The following CAPRIN1 variants were observed in gnomAD, a reference collection of about 807,000 sequenced individuals.
The protein encoded by CAPRIN1 is cell cycle associated protein 1.
In CAPRIN1, 29 loss-of-function variants were observed where a neutral mutation model predicts 100.9. The ratio of observed to expected loss-of-function variants is 0.29; its 90% CI spans 0.21 to 0.39. The LOEUF is 0.39. CAPRIN1 is among the 10% of genes least tolerant of loss of function. The pLI, the probability that CAPRIN1 is intolerant of heterozygous loss-of-function variation, is 1.00. For missense variants in CAPRIN1, 795 were observed against 876.7 expected (o/e 0.91, Z 1.18); for synonymous variants, 338 against 307.5 (o/e 1.10, Z -1.04).
intron 7 of CAPRIN1, among the ~76,000 whole-genome samples, chr11:34,082,489 G>A (rs1334066568): frequency 6.6e-6 from 1 of 152,114 alleles, no homozygotes; most frequent in Non-Finnish European, 1.5e-5. Flanking sequence ...GTGCCTGGCC[G>A]ACTTTATTTT....
chr11:34,054,595 T>A (rs1217605012), intron 2 of CAPRIN1, among the ~76,000 whole-genome samples: 2 of 151,924 alleles, frequency 1.3e-5, no homozygotes, highest in Non-Finnish European at 2.9e-5. Context: ...GCCCAGCTAA[T>A]TTTTTGTATT....
At chr11:34,072,603 G>A (rs147391003) in intron 4 of CAPRIN1, among the ~76,000 whole-genome samples, 3 of 152,238 alleles carry the variant, frequency 2.0e-5, no homozygotes, top group African/African-American at 7.2e-5. Context: ...GCAAACTGAT[G>A]TGCTCCTATA....
intron 2 of CAPRIN1, among the ~76,000 whole-genome samples, chr11:34,057,696 A>C (rs1471988547): frequency 1.3e-5 from 2 of 152,112 alleles, no homozygotes; most frequent in Non-Finnish European, 2.9e-5. Context: ...ACACTGTTAT[A>C]AAATTTAGAG....
At position 34,101,414 on chromosome 11, in the gene CAPRIN1, T is replaced by C. The variant is rs927421930; in HGVS notation, c.*2047T>C. Reference sequence around the variant, plus strand: ...GTGTAGAAAATAATTTCATGACATTTACAATCAGGACTGAAGTAAGTTCTT... The same window carrying C: ...GTGTAGAAAATAATTTCATGACATTCACAATCAGGACTGAAGTAAGTTCTT... On this transcript the variant is annotated 3_prime_UTR_variant, in exon 19 of 19. Coordinates refer to ENST00000341394, the MANE Select transcript of CAPRIN1 (RefSeq NM_005898.5). 6.6e-6 allele frequency among the ~76,000 whole-genome samples: 1 copy of C among 152,194 alleles called. No homozygotes were observed. Among genetic ancestry groups the C allele is most frequent in the African/African-American group, 2.4e-5 (1 of 41,452 alleles).
chr11:34,054,294 T>C (rs1454073449), intron 2 of CAPRIN1, among the ~76,000 whole-genome samples: 3 of 152,198 alleles, frequency 2.0e-5, no homozygotes, highest in African/African-American at 7.2e-5. Context: ...GTAAATGTAG[T>C]TACATCAAGA....
chr11:34,055,012 G>C (rs898602037), intron 2 of CAPRIN1, among the ~76,000 whole-genome samples: 1 of 151,950 alleles, frequency 6.6e-6, no homozygotes, highest in African/African-American at 2.4e-5. Flanking sequence ...TTAGAATCTA[G>C]TGTTCAAGTA....
intron 13 of CAPRIN1, 102 bp from the exon 14 acceptor site, chr11:34,090,427 A>G (rs1267115756): frequency 2.2e-6 from 3 of 1,382,546 alleles, no homozygotes; most frequent in East Asian, 2.3e-5. Context: ...TTGTTAATAC[A>G]TATAAGTTTG....
chr11:34,094,229 C>G (rs986030455), intron 15 of CAPRIN1, among the ~76,000 whole-genome samples: 2 of 151,878 alleles, frequency 1.3e-5, no homozygotes, highest in Non-Finnish European at 1.5e-5. Flanking sequence ...ACCTCCGCCT[C>G]TTAGGTTCAA....
chr11:34,092,414 T>C (rs1162676866), intron 15 of CAPRIN1, among the ~76,000 whole-genome samples: 1 of 151,798 alleles, frequency 6.6e-6, no homozygotes, highest in Non-Finnish European at 1.5e-5. Context: ...TGGAGCGCAG[T>C]GCCGTGATCT....
intron 9 of CAPRIN1, among the ~76,000 whole-genome samples, chr11:34,083,620 C>T (rs939817702): frequency 6.6e-6 from 1 of 152,206 alleles, no homozygotes; most frequent in Non-Finnish European, 1.5e-5. Flanking sequence ...TGCCTTGTTA[C>T]CTGTAAGATA....
Position 34,091,122 on chromosome 11 carries a change from C to A in CAPRIN1, c.1554+444C>A, listed in dbSNP as rs545041620. On this transcript the variant is annotated intron_variant, in intron 14 of 18. Coordinates refer to ENST00000341394, the MANE Select transcript of CAPRIN1 (RefSeq NM_005898.5). ...GAATTTCTAGAAAATAATAATAATA[C>A]TATAATCTGTGGGGTGCAGCTAAAT... 5.9e-5 allele frequency among the ~76,000 whole-genome samples: 9 copies of A among 152,188 alleles called. No individual in the cohort carries two copies. The South Asian group carries it at 1.7e-3, about 28-fold the overall frequency.
chr11:34,087,360 G>A (rs1851168982), intron 11 of CAPRIN1, among the ~76,000 whole-genome samples: 1 of 96,210 alleles, frequency 1.0e-5, no homozygotes, highest in Admixed American at 1.2e-4. Context: ...TTGAGACGGA[G>A]TCTCGCTCTG....
At chr11:34,094,549 G>A (rs1312049456) in intron 15 of CAPRIN1, among the ~76,000 whole-genome samples, 2 of 152,064 alleles carry the variant, frequency 1.3e-5, no homozygotes, top group African/African-American at 2.4e-5. Context: ...GGTGGCTCAC[G>A]CCTGTAATCC....
At chr11:34,096,809 TTTTGGTACAATTTGTGTA>T (rs1180773843) in intron 16 of CAPRIN1, 136 bp downstream of exon 16, 12 of 627,934 alleles carry the variant, frequency 1.9e-5, no homozygotes, top group Non-Finnish European at 3.2e-5. Flanking sequence ...ACAATGTATA[TTTTGGTACAATTTGTGTA>T]TTTGGTATAA....
chr11:34,091,847 C>G, intron 14 of CAPRIN1, 59 bp from the exon 15 acceptor site: 1 of 1,486,998 alleles, frequency 6.7e-7, no homozygotes, highest in Non-Finnish European at 9.1e-7. Flanking sequence ...TTGAGTTTGG[C>G]CATGTTATAA....
intron 2 of CAPRIN1, chr11:34,053,204 C>A (rs960223970): frequency 1.0e-6 from 1 of 972,080 alleles, no homozygotes; most frequent in Non-Finnish European, 1.2e-6. Context: ...GCCTTTCCGG[C>A]AGGCCCATTT....
chr11:34,074,440 G>T (rs573313786), intron 4 of CAPRIN1, among the ~76,000 whole-genome samples: 3 of 152,300 alleles, frequency 2.0e-5, no homozygotes, highest in African/African-American at 7.2e-5. Flanking sequence ...AACTTCTTTA[G>T]CCTGGCTCCA....
chr11:34,052,116 C>A (rs1032916878), intron 1 of CAPRIN1: 1 of 150,604 alleles, frequency 6.6e-6, no homozygotes, highest in African/African-American at 2.4e-5. Context: ...TGGCGGCCGG[C>A]GCGGCGATGC....
Position 34,079,785 on chromosome 11 carries a change from C to A in CAPRIN1, c.826+20C>A. 6.2e-7 allele frequency: 1 copy of A among 1,601,854 alleles called. No individual in the cohort carries two copies. The highest frequency in any genetic ancestry group is 1.1e-5 in the South Asian group (1 of 89,436). On this transcript the variant is annotated intron_variant, in intron 7 of 18. Transcript: ENST00000341394. ...AAGCTGGTGAGTATTAGGTGGATAT[C>A]AACTTTAGTTTAGGGTCCTGGTTTT...
Sources: allele counts gnomAD v4.1 joint callset (sites outside exome capture counted in the v4.1 genomes callset), GRCh38; gene constraint gnomAD v4.1.1; transcripts MANE v1.5; gene names NCBI Gene and HGNC (gene_info 2026-07-23, HGNC 2026-07-21).